Variants in SYT16 observed in about 807,000 individuals in gnomAD.
SYT16 encodes synaptotagmin-16.
In SYT16, 42 loss-of-function variants were observed where a neutral mutation model predicts 61.4. The ratio of observed to expected loss-of-function variants is 0.68; its 90% CI spans 0.53 to 0.89. The LOEUF (loss-of-function observed/expected upper bound fraction) is 0.89. Among genes scored for constraint, SYT16 ranks in the 40% least tolerant of loss-of-function variants. SYT16 has a pLI of 0.00. For missense variants in SYT16, 804 were observed against 807.3 expected, an observed-to-expected ratio of 1.00 and a Z score of 0.05; for synonymous variants, 314 against 302.3, an observed-to-expected ratio of 1.04 and a Z score of -0.40.
intron 1 of SYT16, among the ~76,000 whole-genome samples, chr14:61,903,401 A>G (rs938403052): frequency 9.2e-5 from 14 of 151,960 alleles, no homozygotes; most frequent in African/African-American, 3.1e-4. Context: ...GCTCTTTCCC[A>G]TAGTTGGCCC....
Position 62,108,163 on chromosome 14 carries a change from G to T in SYT16, c.*7456G>T, listed in dbSNP as rs895311661. 1.6e-4 allele frequency: 25 copies of T among 152,276 alleles called. No homozygotes were observed. Among genetic ancestry groups the T allele is most frequent in the African/African-American group, 5.5e-4 (23 of 41,560 alleles). The allele number at this position is 152,276 out of a possible 1,614,324, so 9.4% of individuals were successfully genotyped here. On this transcript the variant is annotated 3_prime_UTR_variant, in exon 8 of 8. Transcript: ENST00000683842. Reference sequence around the variant, plus strand: ...GGGAGTGTCCCTACCTTGGCAGATAGACCAATACTTTTTTCCTAGACTCAA... The same window carrying T: ...GGGAGTGTCCCTACCTTGGCAGATATACCAATACTTTTTTCCTAGACTCAA...
At chr14:61,983,518 T>G (rs138459825) in intron 2 of SYT16, among the ~76,000 whole-genome samples, 14 of 152,260 alleles carry the variant, frequency 9.2e-5, no homozygotes, top group African/African-American at 3.4e-4. Context: ...AATTTCAGGT[T>G]TTTTTTGTTT....
intron 1 of SYT16, among the ~76,000 whole-genome samples, chr14:61,854,011 T>A (rs1360629986): frequency 6.6e-6 from 1 of 152,220 alleles, no homozygotes; most frequent in Non-Finnish European, 1.5e-5. Flanking sequence ...ATGAACATCA[T>A]AGTTTACCCT....
At chr14:61,870,959 C>T (rs1373413521) in intron 1 of SYT16, among the ~76,000 whole-genome samples, 8 of 152,002 alleles carry the variant, frequency 5.3e-5, no homozygotes, top group Non-Finnish European at 1.2e-4. Flanking sequence ...TCTTTTTTGC[C>T]TGCCTGGTAA....
chr14:61,947,680 A>C (rs1391830691), intron 1 of SYT16, among the ~76,000 whole-genome samples: 2 of 152,210 alleles, frequency 1.3e-5, no homozygotes, highest in Non-Finnish European at 2.9e-5. Context: ...AGGCATCAGG[A>C]ATATGATGAT....
At chr14:62,050,366 C>T (rs181453870) in intron 3 of SYT16, among the ~76,000 whole-genome samples, 716 of 152,258 alleles carry the variant, frequency 4.7e-3, no homozygotes, top group Non-Finnish European at 7.3e-3. Context: ...TCTAGTTAGC[C>T]ATTCGTCCAA....
At chr14:61,973,029 C>T (rs1364528669) in intron 2 of SYT16, among the ~76,000 whole-genome samples, 4 of 151,970 alleles carry the variant, frequency 2.6e-5, no homozygotes, top group African/African-American at 9.7e-5. Context: ...TATAAGATTG[C>T]CATTTTTGTT....
intron 1 of SYT16, among the ~76,000 whole-genome samples, chr14:61,859,003 C>T (rs1420049707): frequency 2.7e-5 from 4 of 148,056 alleles, no homozygotes; most frequent in African/African-American, 5.2e-5. Flanking sequence ...TACAGGCGCC[C>T]ACCACTACGC....
intron 1 of SYT16, among the ~76,000 whole-genome samples, chr14:61,944,187 G>T (rs2050325849): frequency 6.6e-6 from 1 of 152,184 alleles, no homozygotes; most frequent in African/African-American, 2.4e-5. Flanking sequence ...GGGTGTGAAA[G>T]ACCTCTTCAA....
At chr14:62,049,255 T>C (rs2055153288) in intron 3 of SYT16, among the ~76,000 whole-genome samples, 1 of 152,212 alleles carries the variant, frequency 6.6e-6, no homozygotes, top group South Asian at 2.1e-4. Flanking sequence ...TCTTTTGATC[T>C]TTGTTGGTTT....
At chr14:61,951,758 T>G (rs1238256742) in intron 1 of SYT16, among the ~76,000 whole-genome samples, 1 of 152,066 alleles carries the variant, frequency 6.6e-6, no homozygotes, top group African/African-American at 2.4e-5. Flanking sequence ...ATTGGGCATA[T>G]GTTCCTAATT....
At chr14:61,828,435 A>G (rs1162756674) in intron 1 of SYT16, among the ~76,000 whole-genome samples, 1 of 152,242 alleles carries the variant, frequency 6.6e-6, no homozygotes, top group Non-Finnish European at 1.5e-5. Flanking sequence ...AACTTCCTTT[A>G]GCAATTCTTT....
At chr14:62,067,327 T>G (rs150489555) in intron 3 of SYT16, among the ~76,000 whole-genome samples, 1 of 152,296 alleles carries the variant, frequency 6.6e-6, no homozygotes, top group Non-Finnish European at 1.5e-5. Context: ...CTTAGTGCTA[T>G]GAAGGCAACT....
At chr14:62,087,852 G>T (rs918250520) in intron 7 of SYT16, among the ~76,000 whole-genome samples, 2 of 152,174 alleles carry the variant, frequency 1.3e-5, no homozygotes, top group African/African-American at 2.4e-5. Context: ...ATCCTTGGGC[G>T]AGAGGGCTCC....
chr14:61,971,068 C>T (rs2140527692), intron 2 of SYT16, among the ~76,000 whole-genome samples: 1 of 152,190 alleles, frequency 6.6e-6, no homozygotes, highest in South Asian at 2.1e-4. Flanking sequence ...AGAGTACCCT[C>T]CAGGTATCCT....
intron 1 of SYT16, among the ~76,000 whole-genome samples, chr14:61,966,588 A>G (rs1489649551): frequency 2.0e-5 from 3 of 152,214 alleles, no homozygotes; most frequent in Admixed American, 2.0e-4. Context: ...GAAGCACACA[A>G]AATCTTAGTA....
intron 1 of SYT16, among the ~76,000 whole-genome samples, chr14:61,931,827 T>C (rs1320733477): frequency 6.6e-6 from 1 of 152,228 alleles, no homozygotes; most frequent in Non-Finnish European, 1.5e-5. Flanking sequence ...TGTATACATG[T>C]GCCACGTTGG....
chr14:62,101,056 A>G lies in SYT16; in HGVS notation c.*349A>G. 5.4e-6 allele frequency: 1 copy of G among 186,820 alleles called. No homozygotes were observed. The allele number at this position is 186,820 out of a possible 1,614,324, so 11.6% of individuals were successfully genotyped here. The stretch of plus-strand genomic sequence containing the variant: ...GCTTGAAGAGTAACCTGAGATTGCA[A>G]GGGAGCTGTTAATTGTTACTATTTG... On this transcript the variant is annotated 3_prime_UTR_variant, in exon 8 of 8. Transcript: ENST00000683842.
intron 1 of SYT16, among the ~76,000 whole-genome samples, chr14:61,952,838 G>A (rs541312591): frequency 3.9e-5 from 6 of 152,070 alleles, no homozygotes; most frequent in African/African-American, 9.6e-5. Flanking sequence ...TGTAGTTAAC[G>A]TATCTTTGTT....
Sources: allele counts gnomAD v4.1 joint callset (sites outside exome capture counted in the v4.1 genomes callset), GRCh38; gene constraint gnomAD v4.1.1; transcripts MANE v1.5; gene names NCBI Gene and HGNC (gene_info 2026-07-23, HGNC 2026-07-21).